The following SDK1 variants were observed in gnomAD, a reference collection of about 807,000 sequenced individuals.
SDK1 encodes protein sidekick-1.
Under a neutral mutation model 245.5 loss-of-function variants are expected in SDK1, and 157 were observed. The observed-to-expected ratio is 0.64, with a 90% CI of 0.56 to 0.73. SDK1 has a LOEUF of 0.73. Ranked by LOEUF, SDK1 falls within the 30% of genes least tolerant of loss-of-function variation. The pLI is 0.00. For synonymous variants in SDK1, 1,647 were observed against 1,278.5 expected, an observed-to-expected ratio of 1.29 and a Z score of -6.15; for missense variants, 3,583 against 3,002.3, an observed-to-expected ratio of 1.19 and a Z score of -4.52.
intron 41 of SDK1, among the ~76,000 whole-genome samples, chr7:4,235,499 A>C (rs1447006225): frequency 6.6e-6 from 1 of 152,136 alleles, no homozygotes; most frequent in African/African-American, 2.4e-5. Flanking sequence ...GATTTAGAAA[A>C]AGCACAGATT....
rs142640222 is a variant in SDK1 at position 4,079,545 on chromosome 7, C to T, written c.3285C>T (p.Asp1095=). Residue 1095 remains aspartate (D), a synonymous_variant, in exon 22 of 45, where the codon GAC becomes GAT. Transcript: ENST00000404826. ...SATLQFRPGY[D]GKTSISRWIV... ...CCCTTCAGTTCCGGCCAGGCTATGACGGGAAAACGTCCATCTCCAGGTGGA... is the reference window on the plus strand; with the variant it reads ...CCCTTCAGTTCCGGCCAGGCTATGATGGGAAAACGTCCATCTCCAGGTGGA... 5.7e-5 allele frequency: 92 copies of T among 1,614,182 alleles called. 1 individual carries two copies. Among genetic ancestry groups the T allele is most frequent in the African/African-American group, 3.6e-4 (27 of 75,036 alleles).
At chr7:3,977,541 C>T (rs1275439317) in intron 13 of SDK1, among the ~76,000 whole-genome samples, 1 of 152,264 alleles carries the variant, frequency 6.6e-6, no homozygotes, top group African/African-American at 2.4e-5. Flanking sequence ...GAGCCCCAGC[C>T]ATCCACTGTC....
At chr7:3,500,174 C>G (rs1782153418) in intron 1 of SDK1, among the ~76,000 whole-genome samples, 1 of 152,144 alleles carries the variant, frequency 6.6e-6, no homozygotes, top group African/African-American at 2.4e-5. Flanking sequence ...CCTATTCTCT[C>G]TATATCTGTT....
At chr7:3,531,031 G>A (rs1188213508) in intron 1 of SDK1, among the ~76,000 whole-genome samples, 1 of 152,268 alleles carries the variant, frequency 6.6e-6, no homozygotes, top group East Asian at 1.9e-4. Context: ...AGAATATTCT[G>A]TCACTATAAC....
At chr7:3,658,336 C>T (rs1220387951) in intron 4 of SDK1, among the ~76,000 whole-genome samples, 1 of 152,112 alleles carries the variant, frequency 6.6e-6, no homozygotes, top group Non-Finnish European at 1.5e-5. Context: ...TCGAGGTCAT[C>T]CTTCATTTAT....
chr7:3,722,143 G>A (rs1486809081), intron 4 of SDK1, among the ~76,000 whole-genome samples: 3 of 152,112 alleles, frequency 2.0e-5, no homozygotes, highest in East Asian at 1.9e-4. Context: ...GACTCCCAAA[G>A]TGCTGGAATT....
At chr7:3,421,092 C>CTTT (rs570530094) in intron 1 of SDK1, among the ~76,000 whole-genome samples, 1 of 137,122 alleles carries the variant, frequency 7.3e-6, no homozygotes, top group Non-Finnish European at 1.6e-5. Context: ...CTGTACTCTC[C>CTTT]TTTTTTTTTT....
intron 4 of SDK1, among the ~76,000 whole-genome samples, chr7:3,681,097 C>G (rs960576096): frequency 6.6e-6 from 1 of 152,214 alleles, no homozygotes; most frequent in Non-Finnish European, 1.5e-5. Context: ...CTGCCTCAGC[C>G]TCCCAGAGTG....
intron 1 of SDK1, among the ~76,000 whole-genome samples, chr7:3,456,421 C>T (rs937071474): frequency 6.6e-6 from 1 of 152,176 alleles, no homozygotes; most frequent in Admixed American, 6.5e-5. Context: ...TGTTTTCTCT[C>T]TGTTGTTGCT....
intron 5 of SDK1, among the ~76,000 whole-genome samples, chr7:3,823,823 G>C (rs1048461973): frequency 3.9e-5 from 6 of 152,156 alleles, no homozygotes; most frequent in Admixed American, 6.5e-5. Context: ...ATGAGTGCCA[G>C]ATAAAATGGG....
At chr7:3,757,202 C>A (rs1355282763) in intron 4 of SDK1, among the ~76,000 whole-genome samples, 2 of 152,048 alleles carry the variant, frequency 1.3e-5, no homozygotes, top group Admixed American at 1.3e-4. Context: ...GACTTTGAAT[C>A]GGGGTTCCCA....
chr7:3,768,780 C>T (rs1457705961), intron 4 of SDK1, among the ~76,000 whole-genome samples: 3 of 152,336 alleles, frequency 2.0e-5, no homozygotes, highest in South Asian at 2.1e-4. Flanking sequence ...GAAACTCCCA[C>T]GTGTATTCCT....
intron 5 of SDK1, among the ~76,000 whole-genome samples, chr7:3,890,959 T>C (rs1781443921): frequency 6.6e-6 from 1 of 152,098 alleles, no homozygotes; most frequent in South Asian, 2.1e-4. Flanking sequence ...TCACTATGGG[T>C]CTACCAGTTG....
At chr7:4,088,657 G>T (rs1039819336) in intron 22 of SDK1, among the ~76,000 whole-genome samples, 1 of 151,994 alleles carries the variant, frequency 6.6e-6, no homozygotes. Context: ...TTGGTAAGGT[G>T]GTTCACACTG....
chr7:3,808,197 G>C (rs1374255583), intron 4 of SDK1, among the ~76,000 whole-genome samples: 1 of 152,202 alleles, frequency 6.6e-6, no homozygotes, highest in African/African-American at 2.4e-5. Context: ...CCCGTGGAAC[G>C]TGCCCTCCTC....
intron 5 of SDK1, among the ~76,000 whole-genome samples, chr7:3,912,066 G>C (rs142326104): frequency 2.0e-3 from 307 of 152,214 alleles, no homozygotes; most frequent in Non-Finnish European, 3.8e-3. Flanking sequence ...ACAAAGGATC[G>C]GCCAAGGAAG....
At chr7:3,715,191 T>G (rs1450448764) in intron 4 of SDK1, among the ~76,000 whole-genome samples, 1 of 152,186 alleles carries the variant, frequency 6.6e-6, no homozygotes, top group African/African-American at 2.4e-5. Context: ...TTCACAAATA[T>G]ACTAGATCGT....
intron 2 of SDK1, among the ~76,000 whole-genome samples, chr7:3,620,459 C>A (rs1183602588): frequency 6.6e-6 from 1 of 152,086 alleles, no homozygotes; most frequent in Non-Finnish European, 1.5e-5. Context: ...TGAGCCACCA[C>A]ACCTGGCTAA....
At chr7:3,614,137 T>C (rs1781690713) in intron 1 of SDK1, among the ~76,000 whole-genome samples, 2 of 152,200 alleles carry the variant, frequency 1.3e-5, no homozygotes, top group South Asian at 4.1e-4. Context: ...AAGTTAAAAA[T>C]TATGATGTTG....
Sources: gnomAD v4.1 joint callset for allele counts (sites outside exome capture counted in the v4.1 genomes callset) on GRCh38, gnomAD v4.1.1 for gene constraint, MANE v1.5 for transcripts, NCBI Gene and HGNC (gene_info 2026-07-23, HGNC 2026-07-21) for gene names.